Variants in PADI1 observed in about 807,000 individuals in gnomAD.
The protein encoded by PADI1 is protein-arginine deiminase type-1.
Under a neutral mutation model 74.8 loss-of-function variants are expected in PADI1, and 65 were observed. The ratio of observed to expected loss-of-function variants is 0.87; its 90% confidence interval spans 0.71 to 1.07. PADI1 has a LOEUF of 1.07. Among genes scored for constraint, PADI1 ranks in the 50% least tolerant of loss-of-function variants. The pLI is 0.00. For synonymous variants in PADI1, 371 were observed against 336.2 expected (o/e 1.10, Z -1.13); for missense variants, 943 against 854.0 (o/e 1.10, Z -1.30).
chr1:17,211,067 G>A (rs895042197), intron 1 of PADI1, among the ~76,000 whole-genome samples: 6 of 152,196 alleles, frequency 3.9e-5, no homozygotes, highest in African/African-American at 1.4e-4. Flanking sequence ...TCTTGGTCAG[G>A]GAGGAGAGTG....
chr1:17,216,154 G>A (rs914971874), intron 1 of PADI1, among the ~76,000 whole-genome samples: 2 of 152,284 alleles, frequency 1.3e-5, no homozygotes, highest in Middle Eastern at 3.4e-3. Context: ...AATGGGTCAG[G>A]AAAGCCTGGG....
Position 17,228,723 on chromosome 1 carries a change from G to A in PADI1, c.751G>A (p.Val251Met), listed in dbSNP as rs1309094619. Reference protein sequence around the residue: ...QPGEQEIKFYVEGLTFPDADF... With the variant: ...QPGEQEIKFYMEGLTFPDADF... The stretch of plus-strand genomic sequence containing the variant: ...AGGGGAGCAGGAGATCAAGTTCTAT[G>A]TGGAGGGGCTGACCTTCCCCGATGC... The change falls in exon 7 of 16, where the codon GTG becomes ATG. Residue 251 changes from valine to methionine, a missense_variant. Transcript: ENST00000375471. The A allele has an allele frequency of 3.1e-6, 5 of 1,614,236 alleles. No homozygotes were observed. The highest frequency in any genetic ancestry group is 4.2e-6 in the Non-Finnish European group (5 of 1,180,036).
chr1:17,227,803 G>T (rs1441083351), intron 6 of PADI1, among the ~76,000 whole-genome samples: 1 of 152,186 alleles, frequency 6.6e-6, no homozygotes, highest in Non-Finnish European at 1.5e-5. Context: ...TGACACCAGG[G>T]CGTAAGCAAA....
chr1:17,234,938 G>C (rs1364640137), intron 11 of PADI1, among the ~76,000 whole-genome samples: 1 of 152,022 alleles, frequency 6.6e-6, no homozygotes, highest in African/African-American at 2.4e-5. Context: ...CCAACATGGT[G>C]AAACCTCGTC....
intron 11 of PADI1, among the ~76,000 whole-genome samples, chr1:17,234,812 T>C (rs1168132149): frequency 6.6e-6 from 1 of 152,074 alleles, no homozygotes; most frequent in Non-Finnish European, 1.5e-5. Flanking sequence ...GGATCACATA[T>C]CATCCCACGT....
chr1:17,228,926 C>A (rs760537288), intron 7 of PADI1, 22 bp from the exon 8 acceptor site: 5 of 1,580,640 alleles, frequency 3.2e-6, no homozygotes, highest in Non-Finnish European at 8.7e-7. Context: ...CAGGGCCCAC[C>A]AAGTCCTCAT....
Position 17,205,205 on chromosome 1 carries a change from G to A in PADI1, c.-13G>A, listed in dbSNP as rs761737170. ...CCAGGGCTGATCTAGGAGGCTGGGA[G>A]CCAGGTGACAGGATGGCCCCAAAGA... On this transcript the variant is annotated 5_prime_UTR_variant, in exon 1 of 16. Coordinates refer to ENST00000375471, the MANE Select transcript of PADI1 (RefSeq NM_013358.3). The A allele has an allele frequency of 6.2e-7, 1 of 1,612,330 alleles. No homozygotes were observed. Among genetic ancestry groups the A allele is most frequent in the South Asian group, 1.1e-5 (1 of 90,974 alleles).
chr1:17,205,260 A>G lies in PADI1; in HGVS notation c.43A>G (p.Thr15Ala), dbSNP rs147384307. ...RVVQLSLKMP[T>A]HAVCVVGVEA... ...TGTGCAGCTGTCCCTGAAGATGCCTACCCATGCCGTGTGTGTGGTGGGAGT... is the reference window on the plus strand; with the variant it reads ...TGTGCAGCTGTCCCTGAAGATGCCTGCCCATGCCGTGTGTGTGGTGGGAGT... The change falls in exon 1 of 16, where the codon ACC becomes GCC. Residue 15 changes from threonine to alanine, a missense_variant. Physicochemically the swap from Thr to Ala is moderately conservative, Grantham distance 58. Coordinates refer to ENST00000375471, the MANE Select transcript of PADI1 (RefSeq NM_013358.3). The G allele has an allele frequency of 1.0e-4, 162 of 1,614,024 alleles. 1 individual carries two copies. The African/African-American group carries it at 1.8e-3, about 18-fold the overall frequency.
intron 1 of PADI1, among the ~76,000 whole-genome samples, chr1:17,210,827 G>C (rs1012066409): frequency 6.6e-5 from 10 of 152,160 alleles, no homozygotes; most frequent in African/African-American, 2.4e-4. Context: ...CCAGGGGACT[G>C]GGGGTTGGAG....
chr1:17,228,907 G>A (rs1180648532), intron 7 of PADI1, 41 bp from the exon 8 acceptor site: 1 of 1,569,128 alleles, frequency 6.4e-7, no homozygotes, highest in Non-Finnish European at 8.7e-7. Flanking sequence ...GGCAGGCTAG[G>A]GGTCCCTGCA....
intron 1 of PADI1, among the ~76,000 whole-genome samples, chr1:17,221,367 A>C (rs968976037): frequency 3.3e-5 from 5 of 151,736 alleles, no homozygotes; most frequent in Admixed American, 1.3e-4. Flanking sequence ...GTTGACTGGC[A>C]TTGAGGTGGG....
intron 11 of PADI1, among the ~76,000 whole-genome samples, chr1:17,233,873 C>CTACCCAGGCACGTAACTGGG (rs2072566646): frequency 6.6e-6 from 1 of 152,236 alleles, no homozygotes; most frequent in African/African-American, 2.4e-5. Flanking sequence ...TTCCTGGCAC[C>CTACCCAGGCACGTAACTGGG]TACCCAGGCA....
intron 1 of PADI1, among the ~76,000 whole-genome samples, chr1:17,221,373 G>A (rs907684640): frequency 2.0e-5 from 3 of 151,970 alleles, no homozygotes; most frequent in Non-Finnish European, 4.4e-5. Flanking sequence ...TGGCATTGAG[G>A]TGGGAGAATC....
At chr1:17,233,742 C>G (rs2072563055) in intron 11 of PADI1, among the ~76,000 whole-genome samples, 1 of 152,190 alleles carries the variant, frequency 6.6e-6, no homozygotes, top group South Asian at 2.1e-4. Context: ...CCCCACTTAC[C>G]CCCCAAGCCC....
In PADI1 at chr1:17,228,960, G is replaced by A. The variant is rs908572444; in HGVS notation, c.838G>A (p.Val280Met). Residue 280 changes from valine (V) to methionine (M), a missense_variant, in exon 8 of 16, where the codon GTG becomes ATG. Physicochemically the swap from Val to Met is conservative, Grantham distance 21. Transcript: ENST00000375471. Reference sequence around the variant, plus strand: ...ATTTTCCCCTCAGACCCTGCCCGAGGTGACCCTCTTCACAGACACTGTGGG... The same window carrying A: ...ATTTTCCCCTCAGACCCTGCCCGAGATGACCCTCTTCACAGACACTGTGGG... Reference protein sequence around the residue: ...SLVDPGTLPEVTLFTDTVGFR... With the variant: ...SLVDPGTLPEMTLFTDTVGFR... 1.9e-6 allele frequency: 3 copies of A among 1,599,794 alleles called. No individual in the cohort carries two copies. The highest frequency in any genetic ancestry group is 8.5e-7 in the Non-Finnish European group (1 of 1,172,392).
chr1:17,215,798 G>A (rs908399867), intron 1 of PADI1, among the ~76,000 whole-genome samples: 5 of 152,206 alleles, frequency 3.3e-5, no homozygotes, highest in African/African-American at 1.2e-4. Flanking sequence ...GATGACAGCA[G>A]CGATGCAGAC....
intron 1 of PADI1, among the ~76,000 whole-genome samples, chr1:17,215,605 TG>T (rs2071956146): frequency 6.6e-6 from 1 of 152,106 alleles, no homozygotes; most frequent in African/African-American, 2.4e-5. Context: ...CTGGGTGCCC[TG>T]GGCTTGTGGC....
At chr1:17,238,026 TG>T (rs2100521732) in intron 12 of PADI1, among the ~76,000 whole-genome samples, 1 of 152,282 alleles carries the variant, frequency 6.6e-6, no homozygotes, top group African/African-American at 2.4e-5. Context: ...AGGAGACATC[TG>T]AATTGGGTAT....
At chr1:17,216,931 CA>C (rs1170336698) in intron 1 of PADI1, among the ~76,000 whole-genome samples, 2 of 151,520 alleles carry the variant, frequency 1.3e-5, no homozygotes, top group Non-Finnish European at 2.9e-5. Context: ...ACTCAGAAAG[CA>C]AGAAGTCTGA....
Sources: gnomAD v4.1 joint callset for allele counts (sites outside exome capture counted in the v4.1 genomes callset) on GRCh38, gnomAD v4.1.1 for gene constraint, MANE v1.5 for transcripts, NCBI Gene and HGNC (gene_info 2026-07-23, HGNC 2026-07-21) for gene names.